The following MACF1 variants were observed in gnomAD, a reference collection of about 807,000 sequenced individuals.
MACF1 encodes microtubule-actin cross-linking factor 1.
Under a neutral mutation model 854.8 loss-of-function variants are expected in MACF1, and 193 were observed. That is an observed-to-expected ratio of 0.23 (90% CI 0.20 to 0.25). The LOEUF (loss-of-function observed/expected upper bound fraction) is 0.25. Among genes scored for constraint, MACF1 ranks in the 10% least tolerant of loss-of-function variants. MACF1 has a pLI of 1.00. For synonymous variants in MACF1, 3,185 were observed against 3,226.7 expected (o/e 0.99, Z 0.44); for missense variants, 7,722 against 8,929.1 (o/e 0.86, Z 5.45).
At chr1:39,427,757 C>A in intron 62 of MACF1, 143 bp downstream of exon 62, 1 of 994,558 alleles carries the variant, frequency 1.0e-6, no homozygotes, top group Non-Finnish European at 1.4e-6. Flanking sequence ...GGAAAAGTCA[C>A]ATTCTTGAAA....
chr1:39,344,115 C>CAA (rs61427648), intron 40 of MACF1, among the ~76,000 whole-genome samples: 1 of 94,830 alleles, frequency 1.1e-5, no homozygotes, highest in African/African-American at 4.1e-5. Flanking sequence ...AACTCCATCT[C>CAA]AAAAAAAAAA....
chr1:39,277,534 G>A (rs1645461203), intron 6 of MACF1, among the ~76,000 whole-genome samples: 1 of 152,194 alleles, frequency 6.6e-6, no homozygotes, highest in Admixed American at 6.5e-5. Flanking sequence ...TCATACATCT[G>A]TTGTTATCTG....
At chr1:39,345,519 G>A (rs1557600708) in intron 40 of MACF1, among the ~76,000 whole-genome samples, 2 of 152,296 alleles carry the variant, frequency 1.3e-5, no homozygotes, top group East Asian at 3.9e-4. Flanking sequence ...GCTGAGGTGA[G>A]AGGATTGCTT....
rs10588247 is a variant in MACF1, at chr1:39,389,351, G to GTTTTTTTTTTTT, written c.15816+707_15816+718dup. Among the ~76,000 whole-genome samples the GTTTTTTTTTTTT allele has an allele frequency of 8.7e-4, 55 of 63,476 alleles. 1 individual carries two copies. The highest frequency in any genetic ancestry group is 1.1e-3 in the Non-Finnish European group (38 of 34,700). The allele number at this position is 63,476 out of a possible 152,430, so 41.6% of individuals were successfully genotyped here. On this transcript the variant is annotated intron_variant, in intron 58 of 100. Coordinates refer to ENST00000564288, the MANE Select transcript of MACF1 (RefSeq NM_001394062.1). ...ATCTTCAGGTCTCTGGTTTTTGTGT[G>GTTTTTTTTTTTT]TTTTTTTTTTTTTTTTTTTTTTTTT...
chr1:39,337,318 T>G lies in MACF1; in HGVS notation c.10202T>G (p.Leu3401Arg), dbSNP rs1475442858. The change falls in exon 38 of 101, where the codon CTG becomes CGG. Residue 3401 changes from leucine (L) to arginine (R), a missense_variant. Transcript: ENST00000564288. ...ELNLAELQDL[L>R]CQAKVLEREL... is the part of the protein sequence containing the mutation. The stretch of plus-strand genomic sequence containing the variant: ...AACCTGGCAGAACTACAGGATCTGC[T>G]GTGTCAGGCCAAGGTAGGTTCCCAG... 1 of 1,613,992 alleles carries G rather than the reference T, an allele frequency of 6.2e-7. No homozygotes were observed.
At chr1:39,226,114 A>G (rs1270667105) in intron 1 of MACF1, among the ~76,000 whole-genome samples, 1 of 152,164 alleles carries the variant, frequency 6.6e-6, no homozygotes, top group East Asian at 1.9e-4. Context: ...CCCTTTTCTG[A>G]GGAGCTTATG....
In MACF1 at chr1:39,453,857, C is replaced by T. The variant is rs1405433258; in HGVS notation, c.20886+7C>T. ...CCGAGCTCGCTTCGAGGAGGTGAGT[C>T]CCTGGTTCAGAGGAGGACTGCACAC... On this transcript the variant is annotated splice_region_variant and intron_variant, in intron 88 of 100. Transcript: ENST00000564288. 1.9e-6 allele frequency: 3 copies of T among 1,614,122 alleles called. No individual in the cohort carries two copies. Among genetic ancestry groups the T allele is most frequent in the Non-Finnish European group, 2.5e-6 (3 of 1,179,998 alleles).
At chr1:39,120,143 G>C (rs374884987) in intron 2 of MACF1, among the ~76,000 whole-genome samples, 47 of 151,798 alleles carry the variant, frequency 3.1e-4, no homozygotes, top group African/African-American at 1.1e-3. Context: ...CTTGGCCTCC[G>C]AAAGTGCTGG....
intron 97 of MACF1, among the ~76,000 whole-genome samples, chr1:39,476,941 ACCACTTCTCCCTGC>A (rs1159386615): frequency 2.7e-5 from 4 of 147,660 alleles, no homozygotes; most frequent in Non-Finnish European, 4.5e-5. Context: ...TCCCTTGCTG[ACCACTTCTCCCTGC>A]CCACTTCTAA....
At position 39,485,904 on chromosome 1, in the gene MACF1, A is replaced by G; in HGVS notation, c.*110A>G. On this transcript the variant is annotated 3_prime_UTR_variant, in exon 101 of 101. Transcript: ENST00000564288. ...TATATTGTTAAAAGTGTAAAAGAAT[A>G]ATTGTGTTATGAAGCTGCCTTATTT... 8.4e-7 allele frequency: 1 copy of G among 1,184,914 alleles called. No homozygotes were observed. The highest frequency in any genetic ancestry group is 1.1e-6 in the Non-Finnish European group (1 of 911,956). 73.4% of individuals were successfully genotyped at this position (1,184,914 alleles called of 1,614,324 possible).
intron 58 of MACF1, among the ~76,000 whole-genome samples, chr1:39,399,228 CT>C (rs1281000168): frequency 6.6e-6 from 1 of 152,122 alleles, no homozygotes; most frequent in Non-Finnish European, 1.5e-5. Context: ...TGTCTCCAGT[CT>C]TGGATGTATT....
intron 2 of MACF1, chr1:39,249,732 CTCCCCATCTTCTTG>C (rs1441035172): frequency 4.0e-6 from 1 of 253,002 alleles, no homozygotes; most frequent in African/African-American, 2.3e-5. Flanking sequence ...ATAATTAAGA[CTCCCCATCTTCTTG>C]TCCAAACTTT....
At chr1:39,256,901 A>G (rs1425324821) in intron 5 of MACF1, among the ~76,000 whole-genome samples, 8 of 152,024 alleles carry the variant, frequency 5.3e-5, no homozygotes, top group Non-Finnish European at 1.2e-4. Flanking sequence ...AGAAAAAAAA[A>G]AAAAAGGCAA....
intron 6 of MACF1, 37 bp from the exon 7 acceptor site, chr1:39,282,171 T>C: frequency 1.2e-6 from 2 of 1,602,186 alleles, no homozygotes; most frequent in Non-Finnish European, 8.5e-7. Flanking sequence ...CTTTGTCTTA[T>C]TTATAATGAA....
intron 2 of MACF1, among the ~76,000 whole-genome samples, chr1:39,175,425 G>A (rs543958148): frequency 5.3e-5 from 8 of 152,092 alleles, no homozygotes; most frequent in East Asian, 1.9e-4. Context: ...GAGGCACACC[G>A]GACTTAGACA....
intron 2 of MACF1, among the ~76,000 whole-genome samples, chr1:39,085,614 AC>A (rs1188700725): frequency 1.1e-4 from 17 of 152,298 alleles, no homozygotes; most frequent in Admixed American, 5.2e-4. Flanking sequence ...CCTCAAGAAC[AC>A]ATATTCTATT....
intron 1 of MACF1, among the ~76,000 whole-genome samples, chr1:39,217,240 C>CTATTTTATTTTATTTTATTT (rs60350458): frequency 1.6e-3 from 218 of 135,910 alleles, no homozygotes; most frequent in Middle Eastern, 3.5e-3. Flanking sequence ...GATTTAGGGT[C>CTATTTTATTTTATTTTATTT]TATTTTATTT....
At chr1:39,102,618 TA>T (rs907190570) in intron 2 of MACF1, 116 of 617,788 alleles carry the variant, frequency 1.9e-4, no homozygotes, top group African/African-American at 1.4e-3. Context: ...GCTTTAGGGA[TA>T]GGGGTATTTG....
At position 39,334,934 on chromosome 1, in the gene MACF1, T is replaced by C; in HGVS notation, c.8346T>C (p.Cys2782=). The stretch of plus-strand genomic sequence containing the variant: ...AAAAGCAAGAAGGGATTGAAGTGTG[T>C]GCATTACAAAATGAATTTCTAGGAA... ...QIEKQEGIEV[C]ALQNEFLGKD... The change falls in exon 37 of 101, where the codon TGT becomes TGC. Residue 2782 remains cysteine, a synonymous_variant. Coordinates refer to ENST00000564288, the MANE Select transcript of MACF1 (RefSeq NM_001394062.1). The C allele has an allele frequency of 3.1e-6, 5 of 1,614,194 alleles. No individual in the cohort carries two copies. Among genetic ancestry groups the C allele is most frequent in the Non-Finnish European group, 4.2e-6 (5 of 1,180,010 alleles).
Sources: gnomAD v4.1 joint callset for allele counts (sites outside exome capture counted in the v4.1 genomes callset) on GRCh38, gnomAD v4.1.1 for gene constraint, MANE v1.5 for transcripts, NCBI Gene and HGNC (gene_info 2026-07-23, HGNC 2026-07-21) for gene names.